Variants in ARHGAP24 observed in about 807,000 individuals in gnomAD.
The protein encoded by ARHGAP24 is rho GTPase-activating protein 24.
ARHGAP24 carries 50 observed loss-of-function variants against 76.4 expected under a neutral mutation model. The ratio of observed to expected loss-of-function variants is 0.65; its 90% CI spans 0.52 to 0.83. ARHGAP24 has a LOEUF of 0.83. Ranked by LOEUF, ARHGAP24 falls within the 40% of genes least tolerant of loss-of-function variation. The pLI is 0.00. For missense variants in ARHGAP24, 930 were observed against 914.2 expected (o/e 1.02, Z -0.22); for synonymous variants, 345 against 323.3 (o/e 1.07, Z -0.72).
At chr4:85,699,922 C>G (rs1446256206) in intron 2 of ARHGAP24, among the ~76,000 whole-genome samples, 2 of 152,080 alleles carry the variant, frequency 1.3e-5, no homozygotes, top group Non-Finnish European at 2.9e-5. Flanking sequence ...AATAAAAGAA[C>G]AGCTACAAAG....
intron 3 of ARHGAP24, among the ~76,000 whole-genome samples, chr4:85,747,111 C>T (rs1419563139): frequency 6.6e-6 from 1 of 152,152 alleles, no homozygotes; most frequent in Non-Finnish European, 1.5e-5. Context: ...GCACTAGAAA[C>T]ATTTTCTCCT....
chr4:85,922,727 C>A (rs1268421891), intron 3 of ARHGAP24, among the ~76,000 whole-genome samples: 1 of 152,088 alleles, frequency 6.6e-6, no homozygotes, highest in East Asian at 1.9e-4. Context: ...ATAACGAAAC[C>A]ATGCCTCAAG....
chr4:85,932,323 C>T (rs1736379276), intron 4 of ARHGAP24, among the ~76,000 whole-genome samples: 1 of 152,184 alleles, frequency 6.6e-6, no homozygotes, highest in Non-Finnish European at 1.5e-5. Flanking sequence ...CCTTCTAGTT[C>T]CCCAGCCCAT....
chr4:85,598,416 GA>G (rs1719912279), intron 2 of ARHGAP24, among the ~76,000 whole-genome samples: 1 of 151,998 alleles, frequency 6.6e-6, no homozygotes, highest in African/African-American at 2.4e-5. Flanking sequence ...TTTTATTTAT[GA>G]AAACAAAGGC....
chr4:85,595,154 A>T (rs1719756182), intron 2 of ARHGAP24, among the ~76,000 whole-genome samples: 1 of 152,080 alleles, frequency 6.6e-6, no homozygotes, highest in South Asian at 2.1e-4. Context: ...CCAATAACTC[A>T]GTATATATTG....
intron 3 of ARHGAP24, among the ~76,000 whole-genome samples, chr4:85,789,584 G>C (rs972208301): frequency 6.6e-6 from 1 of 152,164 alleles, no homozygotes; most frequent in Non-Finnish European, 1.5e-5. Context: ...TTGGCAGTGA[G>C]AGCCAAGTGG....
chr4:85,945,323 T>C (rs1737189581), intron 5 of ARHGAP24, among the ~76,000 whole-genome samples: 3 of 151,610 alleles, frequency 2.0e-5, no homozygotes, highest in Admixed American at 2.0e-4. Flanking sequence ...TTGTATATTT[T>C]GTTGAGATGG....
intron 1 of ARHGAP24, among the ~76,000 whole-genome samples, chr4:85,487,567 C>CATATATTTATTACATATTATATAAAT (rs1484681127): frequency 5.7e-5 from 5 of 87,044 alleles, no homozygotes; most frequent in African/African-American, 1.5e-4. Flanking sequence ...ATTATATAAA[C>CATATATTTATTACATATTATATAAAT]ATATATTTAT....
intron 2 of ARHGAP24, among the ~76,000 whole-genome samples, chr4:85,693,775 A>G (rs943598986): frequency 6.6e-6 from 1 of 152,204 alleles, no homozygotes; most frequent in Non-Finnish European, 1.5e-5. Flanking sequence ...CCTGGCATCT[A>G]GCTGGGGCTA....
intron 3 of ARHGAP24, among the ~76,000 whole-genome samples, chr4:85,830,434 C>T (rs770033020): frequency 7.9e-5 from 12 of 152,138 alleles, no homozygotes; most frequent in Non-Finnish European, 8.8e-5. Context: ...CCATCTAGTC[C>T]GTTGCTAGGC....
At chr4:85,841,696 G>A (rs138437037) in intron 3 of ARHGAP24, among the ~76,000 whole-genome samples, 1 of 152,302 alleles carries the variant, frequency 6.6e-6, no homozygotes, top group African/African-American at 2.4e-5. Context: ...AAATGATGGT[G>A]AGAATTGCTG....
intron 3 of ARHGAP24, among the ~76,000 whole-genome samples, chr4:85,725,206 A>G (rs1235198445): frequency 6.6e-6 from 1 of 152,246 alleles, no homozygotes; most frequent in African/African-American, 2.4e-5. Context: ...GGAGGACTAT[A>G]TGTATCTCCA....
Position 85,625,945 on chromosome 4 carries a change from A to G in ARHGAP24, c.180+55224A>G, listed in dbSNP as rs1251802115. 9.2e-5 allele frequency among the ~76,000 whole-genome samples: 14 copies of G among 151,890 alleles called. No individual in the cohort carries two copies. The East Asian group carries it at 1.7e-3, about 19-fold the overall frequency. On this transcript the variant is annotated intron_variant, in intron 2 of 9. Coordinates refer to ENST00000395184, the MANE Select transcript of ARHGAP24 (RefSeq NM_001025616.3). ...TTGGTAGATCTTCCTCCATCCCTTT[A>G]TTTTGAGCCTATGTGTGTCTCTGCA... is the stretch of plus-strand genomic sequence containing the variant.
chr4:85,751,375 A>T (rs1272820964), intron 3 of ARHGAP24, among the ~76,000 whole-genome samples: 1 of 152,198 alleles, frequency 6.6e-6, no homozygotes, highest in Non-Finnish European at 1.5e-5. Flanking sequence ...AATATCTTAT[A>T]AATGTATGTT....
At chr4:85,499,929 G>A (rs1330115374) in intron 1 of ARHGAP24, among the ~76,000 whole-genome samples, 1 of 151,882 alleles carries the variant, frequency 6.6e-6, no homozygotes, top group Non-Finnish European at 1.5e-5. Flanking sequence ...CTTATTGGGG[G>A]AACAACTCAC....
At chr4:85,909,821 A>T (rs1734978867) in intron 3 of ARHGAP24, among the ~76,000 whole-genome samples, 1 of 152,202 alleles carries the variant, frequency 6.6e-6, no homozygotes, top group South Asian at 2.1e-4. Context: ...TATTTGTACT[A>T]GATATGAAAG....
intron 3 of ARHGAP24, among the ~76,000 whole-genome samples, chr4:85,800,813 C>T (rs1429126342): frequency 6.6e-6 from 1 of 152,116 alleles, no homozygotes; most frequent in Non-Finnish European, 1.5e-5. Context: ...ATATATTATT[C>T]AAGAACATTT....
At chr4:85,515,236 T>A (rs946756936) in intron 1 of ARHGAP24, among the ~76,000 whole-genome samples, 2 of 152,174 alleles carry the variant, frequency 1.3e-5, no homozygotes, top group African/African-American at 4.8e-5. Context: ...TTCATTCTTT[T>A]GGATTTAACT....
intron 2 of ARHGAP24, among the ~76,000 whole-genome samples, chr4:85,583,754 A>C (rs1308250524): frequency 6.6e-6 from 1 of 151,218 alleles, no homozygotes. Flanking sequence ...AAGAAAAAAA[A>C]AAAAACCCCA....
Sources: allele counts gnomAD v4.1 joint callset (sites outside exome capture counted in the v4.1 genomes callset), GRCh38; gene constraint gnomAD v4.1.1; transcripts MANE v1.5; gene names NCBI Gene and HGNC (gene_info 2026-07-23, HGNC 2026-07-21).